Variants in ST3GAL4 observed in about 807,000 individuals in gnomAD.
The protein encoded by ST3GAL4 is ST3 beta-galactoside alpha-2,3-sialyltransferase 4, also known as CMP-N-acetylneuraminate-beta-galactosamide-alpha-2,3-sialyltransferase 4.
ST3GAL4 carries 24 observed loss-of-function variants against 42.6 expected under a neutral mutation model. That is an observed-to-expected ratio of 0.56 (90% CI 0.41 to 0.79). The LOEUF (loss-of-function observed/expected upper bound fraction) is 0.79, where lower values mean the gene tolerates loss of function less well. Ranked by LOEUF, ST3GAL4 falls within the 30% of genes least tolerant of loss-of-function variation. ST3GAL4 has a pLI of 0.00. For synonymous variants in ST3GAL4, 135 were observed against 163.2 expected (o/e 0.83, Z 1.32); for missense variants, 311 against 430.8 (o/e 0.72, Z 2.46).
chr11:126,381,108 A>G (rs1952985549), intron 1 of ST3GAL4, among the ~76,000 whole-genome samples: 1 of 152,192 alleles, frequency 6.6e-6, no homozygotes. Context: ...CCCCTAGCCC[A>G]GAGCTGGCCT....
At chr11:126,374,712 C>T (rs552675752) in intron 1 of ST3GAL4, among the ~76,000 whole-genome samples, 4 of 152,164 alleles carry the variant, frequency 2.6e-5, no homozygotes, top group South Asian at 2.1e-4. Flanking sequence ...AGCAAGGACC[C>T]GGGCTCTCCC....
chr11:126,393,445 A>T lies in ST3GAL4; in HGVS notation c.-60-12651A>T, dbSNP rs1953600202. On this transcript the variant is annotated intron_variant, in intron 1 of 10. Coordinates refer to ENST00000444328, the MANE Select transcript of ST3GAL4 (RefSeq NM_001254757.2). The surrounding 1 kb of genome is among the most constrained non-coding windows in gnomAD (Gnocchi z 5.9). ...GCAATGTCACCTTGAATGTGTTTCC[A>T]TACCCAGGGCCCAGATGGCTCAGGA... is the stretch of plus-strand genomic sequence containing the variant. The T allele has an allele frequency of 6.6e-6, 1 of 152,350 alleles. No individual in the cohort carries two copies. The highest frequency in any genetic ancestry group is 2.1e-4 in the South Asian group (1 of 4,828). 9.4% of individuals were successfully genotyped at this position (152,350 alleles called of 1,614,324 possible). A position where few individuals can be genotyped will look rare whatever the true frequency, so the allele number is the denominator to read the frequency against.
Position 126,391,936 on chromosome 11 carries a change from C to CGTGTGT in ST3GAL4, c.-60-14129_-60-14124dup, listed in dbSNP as rs111958228. Among the ~76,000 whole-genome samples the CGTGTGT allele has an allele frequency of 2.0e-3, 295 of 144,470 alleles. 1 individual carries two copies. Among genetic ancestry groups the CGTGTGT allele is most frequent in the Admixed American group, 3.9e-3 (57 of 14,510 alleles). 94.8% of individuals were successfully genotyped at this position (144,470 alleles called of 152,430 possible). On this transcript the variant is annotated intron_variant, in intron 1 of 10. Transcript: ENST00000444328. The surrounding 1 kb of genome is among the most constrained non-coding windows in gnomAD (Gnocchi z 5.5). ...CTCAGAACACCTGTGATAACTTGGT[C>CGTGTGT]GTGTGTGTGTGTGTGTGTGTGTGTG...
At chr11:126,388,679 T>TTTTTTTTTTTTTTTTTTTTTTC (rs1239186575) in intron 1 of ST3GAL4, among the ~76,000 whole-genome samples, 24 of 122,710 alleles carry the variant, frequency 2.0e-4, no homozygotes, top group African/African-American at 6.2e-4. Flanking sequence ...TTTTTTTTTT[T>TTTTTTTTTTTTTTTTTTTTTTC]TTCTGATTTA....
intron 1 of ST3GAL4, among the ~76,000 whole-genome samples, chr11:126,357,450 G>T (rs1193756615): frequency 6.6e-6 from 1 of 152,176 alleles, no homozygotes; most frequent in Non-Finnish European, 1.5e-5. Flanking sequence ...ATGGGTTGTT[G>T]TTCAGAGACA....
At chr11:126,356,673 G>A (rs1242020665) in intron 1 of ST3GAL4, among the ~76,000 whole-genome samples, 1 of 151,914 alleles carries the variant, frequency 6.6e-6, no homozygotes. Context: ...TGTAGGCAGT[G>A]TTCGGGTGCC....
chr11:126,397,030 A>G lies in ST3GAL4; in HGVS notation c.-60-9066A>G, dbSNP rs558347504. Among the ~76,000 whole-genome samples the G allele has an allele frequency of 6.6e-6, 1 of 152,166 alleles. No homozygotes were observed. Among genetic ancestry groups the G allele is most frequent in the South Asian group, 2.1e-4 (1 of 4,826 alleles). On this transcript the variant is annotated intron_variant, in intron 1 of 10. Coordinates refer to ENST00000444328, the MANE Select transcript of ST3GAL4 (RefSeq NM_001254757.2). The surrounding 1 kb of genome is among the most constrained non-coding windows in gnomAD (Gnocchi z 5.0). ...CAGAGATGGCTGCTAAACACCCCAT[A>G]ATACACAAGACAGACCCCGCAACAG...
intron 1 of ST3GAL4, among the ~76,000 whole-genome samples, chr11:126,387,408 T>C (rs553620497): frequency 1.3e-5 from 2 of 152,124 alleles, no homozygotes; most frequent in Non-Finnish European, 2.9e-5. Context: ...CCAGGTGTGG[T>C]GGCTCACACC....
intron 1 of ST3GAL4, among the ~76,000 whole-genome samples, chr11:126,358,772 A>G (rs929114059): frequency 6.6e-6 from 1 of 152,096 alleles, no homozygotes; most frequent in Admixed American, 6.5e-5. Flanking sequence ...CCTGGCCACA[A>G]CCCCATCTCT....
chr11:126,380,064 C>A (rs1952941102), intron 1 of ST3GAL4, among the ~76,000 whole-genome samples: 1 of 151,856 alleles, frequency 6.6e-6, no homozygotes, highest in African/African-American at 2.4e-5. Flanking sequence ...GAGTTTGAGA[C>A]CATCCTGGCC....
chr11:126,406,240 G>T lies in ST3GAL4; in HGVS notation c.16+69G>T. The T allele has an allele frequency of 1.3e-6, 2 of 1,550,768 alleles. No homozygotes were observed. The highest frequency in any genetic ancestry group is 1.7e-6 in the Non-Finnish European group (2 of 1,147,382). ...CAGAAGCCGTCTTCAGCAGGATCCT[G>T]GGACCTCTGGGGGCTGTGGAGGGAC... is the stretch of plus-strand genomic sequence containing the variant. On this transcript the variant is annotated intron_variant, in intron 2 of 10. Transcript: ENST00000444328. This position sits in a 1 kb window ranked among gnomAD's most constrained non-coding sequence, Gnocchi z 5.4.
intron 1 of ST3GAL4, among the ~76,000 whole-genome samples, chr11:126,357,290 T>C (rs1390461541): frequency 6.6e-6 from 1 of 152,174 alleles, no homozygotes; most frequent in Non-Finnish European, 1.5e-5. Flanking sequence ...TGTCAAGACA[T>C]GGGGAGCTTG....
In ST3GAL4 at chr11:126,414,120, T is replaced by C; in HGVS notation, c.*73T>C. 6.7e-7 allele frequency: 1 copy of C among 1,503,272 alleles called. No individual in the cohort carries two copies. Among genetic ancestry groups the C allele is most frequent in the East Asian group, 2.3e-5 (1 of 44,234 alleles). The allele number at this position is 1,503,272 out of a possible 1,614,324, so 93.1% of individuals were successfully genotyped here. A position where few individuals can be genotyped will look rare whatever the true frequency, so the allele number is the denominator to read the frequency against. On this transcript the variant is annotated 3_prime_UTR_variant, in exon 11 of 11. Transcript: ENST00000444328. Reference sequence around the variant, plus strand: ...TGACCCCCATGCGTGGCTGTGGGGGTGGCTGGTGCCAGTATGACCCACTTG... The same window carrying C: ...TGACCCCCATGCGTGGCTGTGGGGGCGGCTGGTGCCAGTATGACCCACTTG...
Position 126,366,298 on chromosome 11 carries a change from T to C in ST3GAL4, c.-61+10456T>C, listed in dbSNP as rs1427064518. ...AGCCCTGAGGAATGGAGGAAGAGAG[T>C]GCCCTGGCTGGGGGAGCCCCTCAAG... is the stretch of plus-strand genomic sequence containing the variant. On this transcript the variant is annotated intron_variant, in intron 1 of 10. Transcript: ENST00000444328. This position sits in a 1 kb window ranked among gnomAD's most constrained non-coding sequence, Gnocchi z 4.2. 6.6e-6 allele frequency among the ~76,000 whole-genome samples: 1 copy of C among 151,908 alleles called. No homozygotes were observed. The highest frequency in any genetic ancestry group is 2.4e-5 in the African/African-American group (1 of 41,338).
At chr11:126,377,144 G>A (rs1486520126) in intron 1 of ST3GAL4, among the ~76,000 whole-genome samples, 3 of 152,048 alleles carry the variant, frequency 2.0e-5, no homozygotes, top group African/African-American at 7.2e-5. Flanking sequence ...TTAAGTTTTC[G>A]GTAATACCTG....
At position 126,379,773 on chromosome 11, in the gene ST3GAL4, C is replaced by T. The variant is rs765746951; in HGVS notation, c.-61+23931C>T. Among the ~76,000 whole-genome samples the T allele has an allele frequency of 3.2e-4, 48 of 152,116 alleles. No individual in the cohort carries two copies. Among genetic ancestry groups the T allele is most frequent in the Non-Finnish European group, 5.7e-4 (39 of 68,020 alleles). On this transcript the variant is annotated intron_variant, in intron 1 of 10. Coordinates refer to ENST00000444328, the MANE Select transcript of ST3GAL4 (RefSeq NM_001254757.2). This position sits in a 1 kb window ranked among gnomAD's most constrained non-coding sequence, Gnocchi z 4.2. ...GATTACAGGCATGAGCCACCACACCCGGCCTGTTATCCTTAATTTTAAATC... is the reference window on the plus strand; with the variant it reads ...GATTACAGGCATGAGCCACCACACCTGGCCTGTTATCCTTAATTTTAAATC...
intron 9 of ST3GAL4, among the ~76,000 whole-genome samples, chr11:126,412,020 C>T (rs978792455): frequency 6.6e-6 from 1 of 152,096 alleles, no homozygotes; most frequent in Non-Finnish European, 1.5e-5. Flanking sequence ...GGTTCTCTTA[C>T]GATTCTGCCT....
Position 126,406,332 on chromosome 11 carries a change from C to T in ST3GAL4, c.17-141C>T. The T allele has an allele frequency of 6.5e-7, 1 of 1,541,016 alleles. No homozygotes were observed. The highest frequency in any genetic ancestry group is 1.2e-5 in the South Asian group (1 of 82,474). ...GTGGGTACAATCAGGGTCAAGCCCT[C>T]AGCCAGGGCCAGGAGAGGGCCAGAG... On this transcript the variant is annotated intron_variant, in intron 2 of 10. Coordinates refer to ENST00000444328, the MANE Select transcript of ST3GAL4 (RefSeq NM_001254757.2). This position sits in a 1 kb window ranked among gnomAD's most constrained non-coding sequence, Gnocchi z 5.4.
At chr11:126,403,659 C>T (rs1014403045) in intron 1 of ST3GAL4, among the ~76,000 whole-genome samples, 11 of 152,272 alleles carry the variant, frequency 7.2e-5, no homozygotes, top group African/African-American at 2.6e-4. Flanking sequence ...ATGAAACGCA[C>T]CCTGGTCATG....
Sources: gnomAD v4.1 joint callset for allele counts (sites outside exome capture counted in the v4.1 genomes callset) on GRCh38, gnomAD v4.1.1 for gene constraint, Gnocchi (gnomAD v3.1) non-coding constraint, MANE v1.5 for transcripts, NCBI Gene and HGNC (gene_info 2026-07-23, HGNC 2026-07-21) for gene names.